The following ZBBX variants were observed in gnomAD, a reference collection of about 807,000 sequenced individuals.
ZBBX encodes zinc finger B-box domain-containing protein 1.
In ZBBX, 101 loss-of-function variants were observed where a neutral mutation model predicts 108.5. That is an observed-to-expected ratio of 0.93 (90% CI 0.79 to 1.10). ZBBX has a LOEUF of 1.10. Among genes scored for constraint, ZBBX ranks in the 50% least tolerant of loss-of-function variants. The pLI is 0.00. For synonymous variants in ZBBX, 356 were observed against 323.4 expected (o/e 1.10, Z -1.08); for missense variants, 1,009 against 941.4 (o/e 1.07, Z -0.94).
At chr3:167,204,741 A>C in the ZBBX span, among the ~76,000 whole-genome samples, 3 of 151,882 alleles carry the variant, frequency 2.0e-5, no homozygotes, top group African/African-American at 7.3e-5. Context: ...ATTTATACTC[A>C]TTTGGGTATA....
upstream of ZBBX, among the ~76,000 whole-genome samples, chr3:167,382,597 C>T (rs1399800658): frequency 2.0e-5 from 3 of 152,076 alleles, no homozygotes; most frequent in Non-Finnish European, 2.9e-5. Flanking sequence ...ACTCATTTTA[C>T]TAAGCTTGAA....
chr3:167,209,362 C>T, the ZBBX span, among the ~76,000 whole-genome samples: 577 of 152,116 alleles, frequency 3.8e-3, 2 homozygotes, highest in Non-Finnish European at 5.9e-3. Context: ...GTGTCACCCC[C>T]CTCCTCAATT....
At chr3:167,281,716 C>CT (rs1728843452) in intron 20 of ZBBX, among the ~76,000 whole-genome samples, 3 of 152,184 alleles carry the variant, frequency 2.0e-5, no homozygotes, top group African/African-American at 7.2e-5. Context: ...GGTTTGCCAA[C>CT]TAGCAGCACT....
chr3:167,296,627 A>G (rs984085444), intron 18 of ZBBX, among the ~76,000 whole-genome samples: 17 of 152,022 alleles, frequency 1.1e-4, no homozygotes, highest in African/African-American at 4.1e-4. Flanking sequence ...TCCATTCACA[A>G]CAGCCTAAAA....
At chr3:167,283,305 T>C (rs1056099410) in intron 19 of ZBBX, among the ~76,000 whole-genome samples, 5 of 152,200 alleles carry the variant, frequency 3.3e-5, no homozygotes, top group Non-Finnish European at 7.3e-5. Context: ...AAAATATTAC[T>C]TAATAAGGCC....
chr3:167,203,841 C>A, the ZBBX span, among the ~76,000 whole-genome samples: 1 of 152,092 alleles, frequency 6.6e-6, no homozygotes, highest in African/African-American at 2.4e-5. Context: ...CTAGTTGATG[C>A]AAGGTTATTT....
chr3:167,404,055 A>G (rs1435058839), intron 1 of ZBBX, among the ~76,000 whole-genome samples: 1 of 152,158 alleles, frequency 6.6e-6, no homozygotes, highest in Non-Finnish European at 1.5e-5. Flanking sequence ...TATACTGTAC[A>G]CCCTCTACAG....
intron 10 of ZBBX, among the ~76,000 whole-genome samples, chr3:167,329,035 G>A (rs1253311836): frequency 6.6e-6 from 1 of 152,176 alleles, no homozygotes. Context: ...CAAAGTAGGT[G>A]TTCATTAAAA....
chr3:167,391,239 T>C (rs1306542943), intron 1 of ZBBX, among the ~76,000 whole-genome samples: 1 of 152,146 alleles, frequency 6.6e-6, no homozygotes, highest in African/African-American at 2.4e-5. Flanking sequence ...TCTATTGACG[T>C]AATCATGTCG....
the ZBBX span, among the ~76,000 whole-genome samples, chr3:167,227,276 G>A: frequency 6.6e-6 from 1 of 151,710 alleles, no homozygotes; most frequent in African/African-American, 2.4e-5. Context: ...ATTATAGATG[G>A]TGTTTAGTGG....
chr3:167,384,378 G>A (rs74815396), upstream of ZBBX, among the ~76,000 whole-genome samples: 2,849 of 152,196 alleles, frequency 0.019, 96 homozygotes, highest in African/African-American at 0.065. Flanking sequence ...AGAGCTGCTT[G>A]TCTCTACATT....
intron 20 of ZBBX, among the ~76,000 whole-genome samples, chr3:167,262,676 T>C (rs1397017244): frequency 6.6e-6 from 1 of 152,194 alleles, no homozygotes; most frequent in African/African-American, 2.4e-5. Flanking sequence ...TTGGACTTCT[T>C]CGTGGTTCAA....
At chr3:167,219,374 T>C in the ZBBX span, among the ~76,000 whole-genome samples, 1 of 152,020 alleles carries the variant, frequency 6.6e-6, no homozygotes. Context: ...GATCATAAGG[T>C]AGGTCACAAA....
intron 17 of ZBBX, among the ~76,000 whole-genome samples, chr3:167,304,184 A>G (rs1293679203): frequency 1.3e-5 from 2 of 152,160 alleles, no homozygotes; most frequent in African/African-American, 4.8e-5. Context: ...CTCTCTCTCT[A>G]GAGCAAAGAG....
intron 20 of ZBBX, among the ~76,000 whole-genome samples, chr3:167,280,573 A>C (rs1305797132): frequency 2.0e-5 from 3 of 150,820 alleles, no homozygotes; most frequent in Non-Finnish European, 4.4e-5. Flanking sequence ...CACACCAGTT[A>C]GAATGGCAAT....
At chr3:167,347,249 T>C (rs1014326791) in intron 9 of ZBBX, among the ~76,000 whole-genome samples, 12 of 152,006 alleles carry the variant, frequency 7.9e-5, no homozygotes, top group Admixed American at 6.6e-5. Flanking sequence ...AACATGTACA[T>C]GATGTTTTGG....
chr3:167,220,920 C>T, the ZBBX span, among the ~76,000 whole-genome samples: 2 of 151,738 alleles, frequency 1.3e-5, no homozygotes, highest in Non-Finnish European at 2.9e-5. Context: ...TGTATGCCAA[C>T]AATGAACAAT....
rs537058589 is a variant in ZBBX, at chr3:167,393,787, A to T, written c.-445-13382T>A. On this transcript the variant is annotated intron_variant, in intron 1 of 21. Coordinates refer to the ZBBX transcript ENST00000455345. ...TTCTATTTTATTGAACTATTAGATT[A>T]CAAGTCACAACTAATTAAAAACATG... is the stretch of plus-strand genomic sequence containing the variant. Among the ~76,000 whole-genome samples, 4 of 152,054 alleles carry T rather than the reference A, an allele frequency of 2.6e-5. No homozygotes were observed. In the East Asian group the frequency reaches 7.8e-4, roughly 29 times the overall value.
At chr3:167,371,021 G>A (rs1441413811) in intron 4 of ZBBX, among the ~76,000 whole-genome samples, 1 of 152,102 alleles carries the variant, frequency 6.6e-6, no homozygotes, top group Admixed American at 6.6e-5. Flanking sequence ...ACACCAGAAT[G>A]TCAGACAATG....
Sources: gnomAD v4.1 joint callset for allele counts (sites outside exome capture counted in the v4.1 genomes callset) on GRCh38, gnomAD v4.1.1 for gene constraint, MANE v1.5 for transcripts, NCBI Gene and HGNC (gene_info 2026-07-23, HGNC 2026-07-21) for gene names.